KIF5C: variants seen among roughly 807,000 people sequenced by gnomAD.
KIF5C encodes the protein kinesin heavy chain isoform 5C.
A neutral mutation model predicts 125.2 loss-of-function variants in KIF5C; 18 were observed. The ratio of observed to expected loss-of-function variants is 0.14; its 90% confidence interval spans 0.10 to 0.21. The LOEUF (loss-of-function observed/expected upper bound fraction) is 0.21, where lower values mean the gene tolerates loss of function less well. Ranked by LOEUF, KIF5C falls within the 10% of genes least tolerant of loss-of-function variation. KIF5C has a pLI of 1.00. For missense variants in KIF5C, 780 were observed against 1,183.8 expected (o/e 0.66, Z 5.01); for synonymous variants, 405 against 434.0 (o/e 0.93, Z 0.83).
chr2:149,006,044 G>T (rs1681995947), intron 22 of KIF5C, among the ~76,000 whole-genome samples: 1 of 152,170 alleles, frequency 6.6e-6, no homozygotes, highest in African/African-American at 2.4e-5. Context: ...CCAGGCCTGC[G>T]GGGTCTCTGG....
At chr2:148,947,100 G>A in intron 8 of KIF5C, 77 bp downstream of exon 8, 1 of 1,494,732 alleles carries the variant, frequency 6.7e-7, no homozygotes, top group Non-Finnish European at 8.9e-7. Context: ...TAATTTTTAT[G>A]CTTTTCTATT....
intron 25 of KIF5C, among the ~76,000 whole-genome samples, chr2:149,012,364 A>T (rs1682234497): frequency 6.6e-6 from 1 of 152,196 alleles, no homozygotes; most frequent in Non-Finnish European, 1.5e-5. Context: ...GGGCAGACAG[A>T]TGACTAGGTG....
chr2:148,971,282 GTCTGTCTGTCTA>G (rs774088117), intron 11 of KIF5C, among the ~76,000 whole-genome samples: 155 of 140,660 alleles, frequency 1.1e-3, no homozygotes, highest in South Asian at 3.4e-3. Flanking sequence ...CTGTCTGTCT[GTCTGTCTGTCTA>G]TCTATCTATC....
intron 3 of KIF5C, among the ~76,000 whole-genome samples, chr2:148,930,684 G>A (rs1451816851): frequency 2.0e-5 from 3 of 152,124 alleles, no homozygotes; most frequent in Admixed American, 6.5e-5. Context: ...GTACAGTGCC[G>A]GGGATCTCAT....
chr2:148,928,573 G>A (rs1014200259), intron 2 of KIF5C, among the ~76,000 whole-genome samples: 2 of 152,152 alleles, frequency 1.3e-5, no homozygotes, highest in Non-Finnish European at 2.9e-5. Context: ...ATGTGGCACC[G>A]ACCTGCAGTG....
intron 23 of KIF5C, among the ~76,000 whole-genome samples, chr2:149,009,280 G>A (rs192930292): frequency 3.5e-4 from 53 of 152,174 alleles, no homozygotes; most frequent in African/African-American, 1.2e-3. Context: ...GTGAGCCACT[G>A]CACCCAGCTG....
At chr2:148,962,481 G>A (rs1682953445) in intron 11 of KIF5C, among the ~76,000 whole-genome samples, 1 of 151,962 alleles carries the variant, frequency 6.6e-6, no homozygotes, top group Admixed American at 6.6e-5. Flanking sequence ...GCCTGGCCGT[G>A]TGTGTGCTTT....
intron 10 of KIF5C, among the ~76,000 whole-genome samples, chr2:148,959,127 TA>T (rs1324310276): frequency 6.6e-6 from 1 of 152,226 alleles, no homozygotes; most frequent in African/African-American, 2.4e-5. Flanking sequence ...GGGTGAGGAA[TA>T]AAGTTCCACT....
intron 1 of KIF5C, among the ~76,000 whole-genome samples, chr2:148,911,528 G>A (rs1681338051): frequency 1.3e-5 from 2 of 152,206 alleles, no homozygotes; most frequent in South Asian, 2.1e-4. Context: ...GTGGCAGGAT[G>A]TGATGGGAGG....
rs1681517463 is a variant in KIF5C at position 148,991,211 on chromosome 2, C to T, written c.1905+13C>T. The T allele has an allele frequency of 8.1e-6, 13 of 1,611,438 alleles. No individual in the cohort carries two copies. In the South Asian group the frequency reaches 1.2e-4, roughly 15 times the overall value. On this transcript the variant is annotated intron_variant, in intron 16 of 25. Coordinates refer to ENST00000435030, the MANE Select transcript of KIF5C (RefSeq NM_004522.3). ...GCTCATCTCCCAGGTGGGCCCTTCCCTTCCCCATCATTGCACTCTTGTTGT... is the reference window on the plus strand; with the variant it reads ...GCTCATCTCCCAGGTGGGCCCTTCCTTTCCCCATCATTGCACTCTTGTTGT...
intron 18 of KIF5C, 160 bp from the exon 19 acceptor site, chr2:148,998,240 A>T: frequency 8.2e-7 from 1 of 1,212,750 alleles, no homozygotes; most frequent in South Asian, 1.6e-5. Flanking sequence ...CAATAAAGCA[A>T]GGCCGGGTCC....
chr2:148,983,579 T>C (rs1183062230), intron 14 of KIF5C, 41 bp from the exon 15 acceptor site: 1 of 1,510,828 alleles, frequency 6.6e-7, no homozygotes, highest in Non-Finnish European at 8.9e-7. Flanking sequence ...ATGAAATTGA[T>C]GGGCAACCCT....
chr2:148,949,160 A>G (rs1291074505), intron 8 of KIF5C, among the ~76,000 whole-genome samples: 3 of 152,202 alleles, frequency 2.0e-5, no homozygotes, highest in Non-Finnish European at 4.4e-5. Context: ...CCTAGAATAA[A>G]TGCTGTCAAG....
intron 17 of KIF5C, 65 bp from the exon 18 acceptor site, chr2:148,997,199 A>T: frequency 1.3e-6 from 2 of 1,552,314 alleles, no homozygotes; most frequent in African/African-American, 1.4e-5. Flanking sequence ...TTGTTTTTTA[A>T]TTTTTGCTTT....
chr2:148,972,662 T>A (rs138002553), intron 11 of KIF5C, among the ~76,000 whole-genome samples: 1 of 152,364 alleles, frequency 6.6e-6, no homozygotes, highest in South Asian at 2.1e-4. Context: ...CTAGATTGGC[T>A]GCTTTTCTTT....
chr2:148,995,144 G>A (rs993111062), intron 17 of KIF5C, among the ~76,000 whole-genome samples: 1 of 152,178 alleles, frequency 6.6e-6, no homozygotes, highest in African/African-American at 2.4e-5. Context: ...TCACCTGCCA[G>A]AGGCCCCTCT....
intron 18 of KIF5C, 186 bp from the exon 19 acceptor site, chr2:148,998,214 T>G: frequency 1.1e-6 from 1 of 938,808 alleles, no homozygotes; most frequent in Non-Finnish European, 1.6e-6. Flanking sequence ...ATAACAGATC[T>G]TGGGTTTTGT....
chr2:148,950,528 G>T, intron 10 of KIF5C, 66 bp downstream of exon 10: 2 of 1,537,016 alleles, frequency 1.3e-6, no homozygotes, highest in Non-Finnish European at 1.8e-6. Flanking sequence ...GAATGGCAAG[G>T]CTGGGTGCAA....
At chr2:149,020,472 GA>G (rs1417495625) in intron 25 of KIF5C, 1 of 152,376 alleles carries the variant, frequency 6.6e-6, no homozygotes, top group African/African-American at 2.4e-5. Flanking sequence ...GCCCAGCGGG[GA>G]TCGGGGGCTT....
Sources: allele counts gnomAD v4.1 joint callset (sites outside exome capture counted in the v4.1 genomes callset), GRCh38; gene constraint gnomAD v4.1.1; transcripts MANE v1.5; gene names NCBI Gene and HGNC (gene_info 2026-07-23, HGNC 2026-07-21).